Variants in MDM2 observed in about 807,000 individuals in gnomAD.
MDM2 encodes the protein E3 ubiquitin-protein ligase Mdm2.
A neutral mutation model predicts 64.3 loss-of-function variants in MDM2; 11 were observed. The observed-to-expected ratio is 0.17, with a 90% CI of 0.11 to 0.28. The LOEUF (loss-of-function observed/expected upper bound fraction) is 0.28, where lower values mean the gene tolerates loss of function less well. Among genes scored for constraint, MDM2 ranks in the 10% least tolerant of loss-of-function variants. The probability of loss-of-function intolerance (pLI) is 1.00; values close to 1 mark genes in which losing one functional copy is unlikely to be tolerated. For synonymous variants in MDM2, 194 were observed against 192.9 expected (o/e 1.01, Z -0.05); for missense variants, 388 against 577.1 (o/e 0.67, Z 3.36).
chr12:68,825,118 A>G (rs1195760783), intron 7 of MDM2, among the ~76,000 whole-genome samples: 1 of 152,194 alleles, frequency 6.6e-6, no homozygotes, highest in African/African-American at 2.4e-5. Context: ...TTGAGGAAGG[A>G]GAATCACTTC....
Position 68,835,921 on chromosome 12 carries a change from T to C in MDM2, c.777T>C (p.Ser259=), listed in dbSNP as rs200318538. 1.5e-4 allele frequency: 247 copies of C among 1,613,764 alleles called. No homozygotes were observed. Among genetic ancestry groups the C allele is most frequent in the Non-Finnish European group, 1.8e-4 (217 of 1,179,744 alleles). The change falls in exon 9 of 11, where the codon TCT becomes TCC. Residue 259 remains serine, a synonymous_variant. Transcript: ENST00000258149. ...DQFSVEFEVE[S]LDSEDYSLSE... Reference sequence around the variant, plus strand: ...TTAGTGTAGAATTTGAAGTTGAATCTCTCGACTCAGAAGATTATAGCCTTA... The same window carrying C: ...TTAGTGTAGAATTTGAAGTTGAATCCCTCGACTCAGAAGATTATAGCCTTA...
At chr12:68,823,172 G>A (rs1177615152) in intron 5 of MDM2, among the ~76,000 whole-genome samples, 1 of 152,160 alleles carries the variant, frequency 6.6e-6, no homozygotes, top group Non-Finnish European at 1.5e-5. Context: ...AGTATAAAGA[G>A]AAAATTAATC....
intron 7 of MDM2, chr12:68,828,436 AC>A (rs1882515297): frequency 9.5e-6 from 2 of 211,268 alleles, no homozygotes; most frequent in East Asian, 2.1e-4. Context: ...TTCCTATGGT[AC>A]CGTTCCTATG....
chr12:68,835,080 T>G (rs1565745238), intron 8 of MDM2, among the ~76,000 whole-genome samples: 1 of 152,210 alleles, frequency 6.6e-6, no homozygotes, highest in Non-Finnish European at 1.5e-5. Context: ...CCATAAGTAT[T>G]ACAAGTGTTG....
chr12:68,824,705 C>G lies in MDM2; in HGVS notation c.523+54C>G, dbSNP rs3730571. On this transcript the variant is annotated intron_variant, in intron 7 of 10. Coordinates refer to ENST00000258149, the MANE Select transcript of MDM2 (RefSeq NM_002392.6). ...CACACAGCTTTTTGATATTCTTTCT[C>G]TAATGAAATTAGTGCTTTTAGACTT... The G allele has an allele frequency of 4.0e-3, 4,639 of 1,165,340 alleles. 122 individuals carry two copies. In the African/African-American group the frequency reaches 0.062, roughly 16 times the overall value. The allele number at this position is 1,165,340 out of a possible 1,614,324, so 72.2% of individuals were successfully genotyped here. A position where few individuals can be genotyped will look rare whatever the true frequency, so the allele number is the denominator to read the frequency against.
chr12:68,829,371 T>C (rs754784317), intron 8 of MDM2, among the ~76,000 whole-genome samples: 57 of 152,314 alleles, frequency 3.7e-4, no homozygotes, highest in Non-Finnish European at 7.5e-4. Flanking sequence ...AAAAATATAT[T>C]TTATTACAGC....
Position 68,813,497 on chromosome 12 carries a change from G to A in MDM2, c.100-57G>A, listed in dbSNP as rs1412822900. The stretch of plus-strand genomic sequence containing the variant: ...AACTTGATGGATATGTTTGCTGCAG[G>A]GCCTATAGTTCTGGGATAATTTTGG... On this transcript the variant is annotated intron_variant, in intron 2 of 10. Transcript: ENST00000258149. 3 of 1,167,750 alleles carry A rather than the reference G, an allele frequency of 2.6e-6. No homozygotes were observed. In the South Asian group the frequency reaches 3.9e-5, roughly 15 times the overall value. The allele number at this position is 1,167,750 out of a possible 1,614,324, so 72.3% of individuals were successfully genotyped here. A position where few individuals can be genotyped will look rare whatever the true frequency, so the allele number is the denominator to read the frequency against.
chr12:68,834,205 G>T (rs1428146807), intron 8 of MDM2, among the ~76,000 whole-genome samples: 1 of 152,160 alleles, frequency 6.6e-6, no homozygotes, highest in Non-Finnish European at 1.5e-5. Context: ...CATTTTGGGA[G>T]GCCGAGGTGG....
chr12:68,837,524 CT>C (rs1375838637), intron 10 of MDM2, among the ~76,000 whole-genome samples: 2 of 151,876 alleles, frequency 1.3e-5, no homozygotes, highest in Non-Finnish European at 2.9e-5. Context: ...CACACCCCAG[CT>C]AATTTTTGTA....
rs528117418 is a variant in MDM2, at chr12:68,831,838, C to T, written c.684+2907C>T. Among the ~76,000 whole-genome samples, 14 of 152,260 alleles carry T rather than the reference C, an allele frequency of 9.2e-5. No homozygotes were observed. In the South Asian group the frequency reaches 1.7e-3, roughly 18 times the overall value. ...ATCCCAGCACTTTGGAAGGCCCAGG[C>T]GGGCGGATCACCTGAGGTCAGGAGT... On this transcript the variant is annotated intron_variant, in intron 8 of 10. Transcript: ENST00000258149.
chr12:68,828,739 C>T (rs2136148552), intron 7 of MDM2, 32 bp from the exon 8 acceptor site: 2 of 1,606,872 alleles, frequency 1.2e-6, no homozygotes, highest in East Asian at 2.2e-5. Context: ...AATCACAGTA[C>T]AGCAATTTAT....
intron 2 of MDM2, among the ~76,000 whole-genome samples, chr12:68,813,252 C>G (rs1252798638): frequency 6.6e-6 from 1 of 152,190 alleles, no homozygotes; most frequent in Non-Finnish European, 1.5e-5. Flanking sequence ...AGTTAGCTTG[C>G]AATAAGCTCG....
At chr12:68,812,340 G>C (rs374695045) in intron 2 of MDM2, among the ~76,000 whole-genome samples, 62 of 152,268 alleles carry the variant, frequency 4.1e-4, no homozygotes, top group African/African-American at 1.4e-3. Flanking sequence ...ATCCCCAATG[G>C]GGGTGCTGTC....
intron 8 of MDM2, among the ~76,000 whole-genome samples, chr12:68,831,419 C>T (rs1280105974): frequency 6.6e-6 from 1 of 152,130 alleles, no homozygotes; most frequent in Non-Finnish European, 1.5e-5. Flanking sequence ...ACTGGCCCTC[C>T]CACCCCAGTC....
In MDM2 at chr12:68,843,845, T is replaced by G. The variant is rs1387497257; in HGVS notation, c.*3996T>G. On this transcript the variant is annotated 3_prime_UTR_variant, in exon 11 of 11. Transcript: ENST00000258149. ...CTTTTTTTTGGAGGTCCTCGAAGCA[T>G]TATTTGGAGTTGATAATACTTCAGC... The G allele has an allele frequency of 4.6e-6, 1 of 216,278 alleles. No homozygotes were observed. Among genetic ancestry groups the G allele is most frequent in the Non-Finnish European group, 9.3e-6 (1 of 107,598 alleles). The allele number at this position is 216,278 out of a possible 1,614,324, so 13.4% of individuals were successfully genotyped here.
chr12:68,820,306 T>C lies in MDM2; in HGVS notation c.309-19T>C, dbSNP rs1310301810. 6.4e-7 allele frequency: 1 copy of C among 1,551,272 alleles called. No individual in the cohort carries two copies. ...TAAAATGTACATCTCTTGTTATTTT[T>C]TTTTTTTCTGTCTACAAGGAAAATA... On this transcript the variant is annotated intron_variant, in intron 4 of 10. Transcript: ENST00000258149.
intron 3 of MDM2, chr12:68,815,618 T>C: frequency 2.4e-6 from 1 of 414,170 alleles, no homozygotes; most frequent in South Asian, 1.7e-5. Context: ...ATTTTTGTAT[T>C]TTTTTGTAGA....
At chr12:68,809,934 A>T (rs1359628772) in intron 2 of MDM2, among the ~76,000 whole-genome samples, 1 of 152,170 alleles carries the variant, frequency 6.6e-6, no homozygotes, top group Admixed American at 6.5e-5. Context: ...ATAGGTTTTT[A>T]AAAATTGCCT....
At chr12:68,815,698 C>A in intron 3 of MDM2, 1 of 399,150 alleles carries the variant, frequency 2.5e-6, no homozygotes, top group Non-Finnish European at 5.1e-6. Context: ...TTACCTCGGC[C>A]TCCTAAAGTG....
Sources: gnomAD v4.1 joint callset for allele counts (sites outside exome capture counted in the v4.1 genomes callset) on GRCh38, gnomAD v4.1.1 for gene constraint, MANE v1.5 for transcripts, NCBI Gene and HGNC (gene_info 2026-07-23, HGNC 2026-07-21) for gene names.